AMER3: variants seen among roughly 807,000 people sequenced by gnomAD.
The protein encoded by AMER3 is family with sequence similarity 123C.
For missense variants in AMER3, 1,201 were observed against 1,139.4 expected (o/e 1.05, Z -0.78); for synonymous variants, 541 against 485.5 (o/e 1.11, Z -1.50).
chr2:130,755,860 C>CTGCAG (rs1346353062), intron 1 of AMER3, 186 bp downstream of exon 1: 1 of 152,208 alleles, frequency 6.6e-6, no homozygotes, highest in African/African-American at 2.4e-5. Context: ...GTGCTGCGGT[C>CTGCAG]GGCAGGGCTG....
rs1678945046 is a variant in AMER3 at position 130,764,992 on chromosome 2, G to C, written c.*334G>C. The C allele has an allele frequency of 3.9e-6, 1 of 255,116 alleles. No homozygotes were observed. The highest frequency in any genetic ancestry group is 1.2e-4 in the South Asian group (1 of 8,226). 15.8% of individuals were successfully genotyped at this position (255,116 alleles called of 1,614,324 possible). A position where few individuals can be genotyped will look rare whatever the true frequency, so the allele number is the denominator to read the frequency against. ...AAGCAGAGAGCCAATGAGTCTGCCTGGGATGTGTGTGAATCCCAAAAGACG... is the reference window on the plus strand; with the variant it reads ...AAGCAGAGAGCCAATGAGTCTGCCTCGGATGTGTGTGAATCCCAAAAGACG... On this transcript the variant is annotated 3_prime_UTR_variant, in exon 2 of 2. Transcript: ENST00000321420.
rs1319962976 is a variant in AMER3 at position 130,762,157 on chromosome 2, G to A, written c.85G>A (p.Ala29Thr). 3.1e-6 allele frequency: 5 copies of A among 1,607,312 alleles called. No homozygotes were observed. The highest frequency in any genetic ancestry group is 3.4e-6 in the Non-Finnish European group (4 of 1,177,166). ...ACCCCCAGACCCAGCAGCCGTGGCTGCAGCCAGGGAGGGGACAGGCCCCTG... is the reference window on the plus strand; with the variant it reads ...ACCCCCAGACCCAGCAGCCGTGGCTACAGCCAGGGAGGGGACAGGCCCCTG... ...EKPPDPAAVA[A>T]AREGTGPWSV... The change falls in exon 2 of 2, where the codon GCA becomes ACA. Residue 29 changes from alanine (A) to threonine (T), a missense_variant. Coordinates refer to ENST00000321420, the MANE Select transcript of AMER3 (RefSeq NM_152698.3).
chr2:130,762,151 G>T lies in AMER3; in HGVS notation c.79G>T (p.Val27Leu), dbSNP rs374506642. The change falls in exon 2 of 2, where the codon GTG (valine) becomes TTG (leucine). Residue 27 changes from valine (V) to leucine (L), a missense_variant. Coordinates refer to ENST00000321420, the MANE Select transcript of AMER3 (RefSeq NM_152698.3). ...SHEKPPDPAAVAAAREGTGPW... is the reference protein window; with the variant it reads ...SHEKPPDPAALAAAREGTGPW... ...CGAGAAACCCCCAGACCCAGCAGCC[G>T]TGGCTGCAGCCAGGGAGGGGACAGG... is the stretch of plus-strand genomic sequence containing the variant. The T allele has an allele frequency of 1.2e-6, 2 of 1,608,528 alleles. No homozygotes were observed. Among genetic ancestry groups the T allele is most frequent in the Middle Eastern group, 1.7e-4 (1 of 6,052 alleles).
chr2:130,764,182 G>A lies in AMER3; in HGVS notation c.2110G>A (p.Gly704Arg). 2 of 1,607,632 alleles carry A rather than the reference G, an allele frequency of 1.2e-6. No individual in the cohort carries two copies. The highest frequency in any genetic ancestry group is 1.7e-6 in the Non-Finnish European group (2 of 1,176,552). ...AWPPRQDMGS[G>R]LFGQRWARGP... ...GCCTCCAAGGCAAGACATGGGCAGT[G>A]GGCTCTTTGGGCAGCGCTGGGCCAG... The change falls in exon 2 of 2, where the codon GGG (glycine) becomes AGG (arginine). Residue 704 changes from glycine (G) to arginine (R), a missense_variant. Coordinates refer to ENST00000321420, the MANE Select transcript of AMER3 (RefSeq NM_152698.3).
In AMER3 at chr2:130,764,197, C is replaced by A; in HGVS notation, c.2125C>A (p.Arg709Ser). The A allele has an allele frequency of 6.2e-7, 1 of 1,608,158 alleles. No homozygotes were observed. Among genetic ancestry groups the A allele is most frequent in the Non-Finnish European group, 8.5e-7 (1 of 1,177,030 alleles). Residue 709 changes from arginine to serine, a missense_variant, in exon 2 of 2, where the codon CGC becomes AGC. Coordinates refer to ENST00000321420, the MANE Select transcript of AMER3 (RefSeq NM_152698.3). ...CATGGGCAGTGGGCTCTTTGGGCAG[C>A]GCTGGGCCAGGGGCCCTGACATGCT... ...QDMGSGLFGQ[R>S]WARGPDMLEQ...
intron 1 of AMER3, among the ~76,000 whole-genome samples, chr2:130,757,002 C>G (rs1222054840): frequency 6.6e-6 from 1 of 152,170 alleles, no homozygotes; most frequent in African/African-American, 2.4e-5. Context: ...ACTGCTGTGA[C>G]TTTCCTGCAT....
Position 130,764,205 on chromosome 2 carries a change from C to G in AMER3, c.2133C>G (p.Ala711=), listed in dbSNP as rs1456374360. 6.2e-7 allele frequency: 1 copy of G among 1,609,142 alleles called. No homozygotes were observed. The highest frequency in any genetic ancestry group is 1.1e-5 in the South Asian group (1 of 90,468). The change falls in exon 2 of 2, where the codon GCC becomes GCG. Residue 711 remains alanine, a synonymous_variant. Transcript: ENST00000321420. ...GTGGGCTCTTTGGGCAGCGCTGGGCCAGGGGCCCTGACATGCTGGAGCAGA... is the reference window on the plus strand; with the variant it reads ...GTGGGCTCTTTGGGCAGCGCTGGGCGAGGGGCCCTGACATGCTGGAGCAGA... ...MGSGLFGQRW[A]RGPDMLEQKQ...
Position 130,763,968 on chromosome 2 carries a change from C to G in AMER3, c.1896C>G (p.Ala632=), listed in dbSNP as rs201541718. Residue 632 remains alanine, a synonymous_variant, in exon 2 of 2, where the codon GCC becomes GCG. Coordinates refer to ENST00000321420, the MANE Select transcript of AMER3 (RefSeq NM_152698.3). ...STTDTSGKNK[A]PVPSTWPCSQ... ...CAGATACTTCCGGTAAAAATAAGGC[C>G]CCAGTTCCTTCTACCTGGCCCTGCT... is the stretch of plus-strand genomic sequence containing the variant. The G allele has an allele frequency of 1.2e-5, 20 of 1,613,662 alleles. No individual in the cohort carries two copies. Among genetic ancestry groups the G allele is most frequent in the Non-Finnish European group, 1.7e-5 (20 of 1,179,996 alleles).
chr2:130,762,375 A>C lies in AMER3; in HGVS notation c.303A>C (p.Ala101=), dbSNP rs1222694512. ...AGACTCACGACAGCATGTCTGGGGC[A>C]GGCAGGGCCACGGCTGCCACAGGGC... The part of the protein sequence containing the change: ...KCKTHDSMSG[A]GRATAATGQL... Residue 101 remains alanine, a synonymous_variant, in exon 2 of 2, where the codon GCA becomes GCC. Transcript: ENST00000321420. The C allele has an allele frequency of 6.2e-7, 1 of 1,611,520 alleles. No homozygotes were observed.
Position 130,762,835 on chromosome 2 carries a change from G to A in AMER3, c.763G>A (p.Ala255Thr), listed in dbSNP as rs767634754. The A allele has an allele frequency of 2.0e-5, 33 of 1,613,346 alleles. No individual in the cohort carries two copies. Among genetic ancestry groups the A allele is most frequent in the Middle Eastern group, 1.6e-4 (1 of 6,084 alleles). ...GCTCACGGGTTGTGGGGAGGTGTTC[G>A]CAGATGAGAGCTCGGTGCCATCTCT... ...DSLTGCGEVF[A>T]DESSVPSLEL... The change falls in exon 2 of 2, where the codon GCA becomes ACA. Residue 255 changes from alanine (A) to threonine (T), a missense_variant. Ala to Thr is a moderately conservative substitution (Grantham distance 58). Coordinates refer to ENST00000321420, the MANE Select transcript of AMER3 (RefSeq NM_152698.3).
In AMER3 at chr2:130,762,711, G is replaced by A. The variant is rs201150470; in HGVS notation, c.639G>A (p.Leu213=). The change falls in exon 2 of 2, where the codon CTG becomes CTA. Residue 213 remains leucine, a synonymous_variant. Transcript: ENST00000321420. ...GTGAGGGGCCGGGGCTGGACGGCCT[G>A]TGCCAGGACCTGTTGGACAGCGAGC... ...PPGEGPGLDG[L]CQDLLDSELL... is the part of the protein sequence containing the mutation. The A allele has an allele frequency of 1.9e-5, 31 of 1,611,910 alleles. No homozygotes were observed. Among genetic ancestry groups the A allele is most frequent in the Admixed American group, 3.3e-5 (2 of 60,018 alleles).
intron 1 of AMER3, among the ~76,000 whole-genome samples, chr2:130,758,009 C>T (rs566937701): frequency 6.6e-6 from 1 of 152,278 alleles, no homozygotes; most frequent in Admixed American, 6.5e-5. Flanking sequence ...TGGCGGGTGC[C>T]TGTAGTCCCA....
chr2:130,764,037 A>T lies in AMER3; in HGVS notation c.1965A>T (p.Arg655=). The change falls in exon 2 of 2, where the codon CGA becomes CGT. Residue 655 remains arginine (R), a synonymous_variant. Coordinates refer to ENST00000321420, the MANE Select transcript of AMER3 (RefSeq NM_152698.3). ...CACCAGGGGTCCTGGGGTGTTTCCGAGGCCCCTGGAGGCCAGGTCACGGAG... is the reference window on the plus strand; with the variant it reads ...CACCAGGGGTCCTGGGGTGTTTCCGTGGCCCCTGGAGGCCAGGTCACGGAG... ...PGPPGVLGCF[R]GPWRPGHGGD... The T allele has an allele frequency of 6.2e-7, 1 of 1,612,670 alleles. No individual in the cohort carries two copies. The highest frequency in any genetic ancestry group is 8.5e-7 in the Non-Finnish European group (1 of 1,179,662).
At chr2:130,761,703 C>T (rs758701026) in intron 1 of AMER3, among the ~76,000 whole-genome samples, 4 of 152,210 alleles carry the variant, frequency 2.6e-5, no homozygotes, top group Non-Finnish European at 5.9e-5. Context: ...TCAGAAGGGC[C>T]ATGACACCCA....
chr2:130,759,441 A>T lies in AMER3; in HGVS notation c.-19-2613A>T, dbSNP rs1382741397. On this transcript the variant is annotated intron_variant, in intron 1 of 1. Transcript: ENST00000321420. Reference sequence around the variant, plus strand: ...TGCAAAATTCTGCACAAGGTGAAATAATCCTTGCTGTGCCTGGCTGAAGTT... The same window carrying T: ...TGCAAAATTCTGCACAAGGTGAAATTATCCTTGCTGTGCCTGGCTGAAGTT... Among the ~76,000 whole-genome samples the T allele has an allele frequency of 4.6e-5, 7 of 152,368 alleles. No homozygotes were observed. In the East Asian group the frequency reaches 1.3e-3, roughly 29 times the overall value.
At chr2:130,758,397 AAGG>A (rs2104773318) in intron 1 of AMER3, among the ~76,000 whole-genome samples, 1 of 138,874 alleles carries the variant, frequency 7.2e-6, no homozygotes, top group East Asian at 2.0e-4. Context: ...AGAGAAAGGA[AAGG>A]AAGGAAGGAA....
At chr2:130,758,814 G>A (rs1200128001) in intron 1 of AMER3, among the ~76,000 whole-genome samples, 5 of 152,252 alleles carry the variant, frequency 3.3e-5, no homozygotes, top group African/African-American at 7.2e-5. Flanking sequence ...GGGTTCCACT[G>A]ACGGGTCTAT....
chr2:130,756,031 G>C (rs1251467052), intron 1 of AMER3, among the ~76,000 whole-genome samples: 1 of 152,096 alleles, frequency 6.6e-6, no homozygotes, highest in Non-Finnish European at 1.5e-5. Context: ...CCCAGAAACA[G>C]AGACGGGGCG....
chr2:130,764,086 A>C lies in AMER3; in HGVS notation c.2014A>C (p.Met672Leu). 6.2e-7 allele frequency: 1 copy of C among 1,612,184 alleles called. No homozygotes were observed. The highest frequency in any genetic ancestry group is 8.5e-7 in the Non-Finnish European group (1 of 1,179,436). The part of the protein sequence containing the change: ...HGGDTLDAEP[M>L]LAGCVARVAA... ...AGGTGACACTCTGGATGCAGAGCCC[A>C]TGCTGGCAGGCTGTGTGGCCCGTGT... Residue 672 changes from methionine (M) to leucine (L), a missense_variant, in exon 2 of 2, where the codon ATG (methionine) becomes CTG (leucine). Met to Leu is a conservative substitution (Grantham distance 15). Coordinates refer to ENST00000321420, the MANE Select transcript of AMER3 (RefSeq NM_152698.3).
Sources: allele counts gnomAD v4.1 joint callset (sites outside exome capture counted in the v4.1 genomes callset), GRCh38; gene constraint gnomAD v4.1.1; transcripts MANE v1.5; gene names NCBI Gene and HGNC (gene_info 2026-07-23, HGNC 2026-07-21).